Variants in GHR observed in about 807,000 individuals in gnomAD.
The protein encoded by GHR is growth hormone receptor.
A neutral mutation model predicts 67.1 loss-of-function variants in GHR; 35 were observed. The observed-to-expected ratio is 0.52, with a 90% CI of 0.40 to 0.69. The LOEUF (loss-of-function observed/expected upper bound fraction) is 0.69, where lower values mean the gene tolerates loss of function less well. GHR is among the 30% of genes least tolerant of loss of function. GHR has a pLI of 0.00. For missense variants in GHR, 792 were observed against 764.6 expected, an observed-to-expected ratio of 1.04 and a Z score of -0.42; for synonymous variants, 272 against 269.1, an observed-to-expected ratio of 1.01 and a Z score of -0.10.
chr5:42,424,670 T>G lies in GHR; in HGVS notation c.-12+715T>G. 1 of 1,394,350 alleles carries G rather than the reference T, an allele frequency of 7.2e-7. No homozygotes were observed. Among genetic ancestry groups the G allele is most frequent in the Non-Finnish European group, 9.8e-7 (1 of 1,017,674 alleles). The allele number at this position is 1,394,350 out of a possible 1,614,324, so 86.4% of individuals were successfully genotyped here. A position where few individuals can be genotyped will look rare whatever the true frequency, so the allele number is the denominator to read the frequency against. On this transcript the variant is annotated intron_variant, in intron 1 of 9. Transcript: ENST00000230882. This position sits in a 1 kb window ranked among gnomAD's most constrained non-coding sequence, Gnocchi z 4.1. Reference sequence around the variant, plus strand: ...CTAGTGGTTGTAAAATCAACCAGGCTTAAAGTTTTGACAGAACTGCCAGAG... The same window carrying G: ...CTAGTGGTTGTAAAATCAACCAGGCGTAAAGTTTTGACAGAACTGCCAGAG...
chr5:42,606,127 T>C (rs1001756173), intron 2 of GHR, among the ~76,000 whole-genome samples: 2 of 151,560 alleles, frequency 1.3e-5, no homozygotes, highest in Non-Finnish European at 2.9e-5. Context: ...GCTGTAAAAG[T>C]TGGGGTGCTC....
At chr5:42,487,032 C>A (rs1205127469) in intron 1 of GHR, among the ~76,000 whole-genome samples, 2 of 152,116 alleles carry the variant, frequency 1.3e-5, no homozygotes, top group African/African-American at 4.8e-5. Flanking sequence ...TGAGGCATTG[C>A]AGTATCATCC....
At chr5:42,640,354 G>T (rs1754404614) in intron 3 of GHR, among the ~76,000 whole-genome samples, 1 of 152,068 alleles carries the variant, frequency 6.6e-6, no homozygotes, top group Non-Finnish European at 1.5e-5. Flanking sequence ...TATCTCAAAG[G>T]GTCATTGTGA....
Position 42,477,569 on chromosome 5 carries a change from G to A in GHR, c.-12+53614G>A, listed in dbSNP as rs1478551656. 7.9e-5 allele frequency among the ~76,000 whole-genome samples: 12 copies of A among 152,176 alleles called. 1 individual carries two copies. The South Asian group carries it at 2.1e-3, about 26-fold the overall frequency. The stretch of plus-strand genomic sequence containing the variant: ...GTTGTTTCCTGACTTTTTAATGATC[G>A]CCATTCCAACTGGTGTGAGATGGTA... On this transcript the variant is annotated intron_variant, in intron 1 of 9. Coordinates refer to ENST00000230882, the MANE Select transcript of GHR (RefSeq NM_000163.5).
intron 6 of GHR, among the ~76,000 whole-genome samples, chr5:42,700,841 AG>A (rs1757897282): frequency 6.6e-6 from 1 of 152,122 alleles, no homozygotes; most frequent in Non-Finnish European, 1.5e-5. Context: ...AGGAAAGTTA[AG>A]TTTGGAGGAA....
chr5:42,513,690 G>A (rs1747119971), intron 1 of GHR, among the ~76,000 whole-genome samples: 1 of 152,056 alleles, frequency 6.6e-6, no homozygotes, highest in African/African-American at 2.4e-5. Context: ...GCTGAGGCAG[G>A]AGAATCGCTT....
At chr5:42,606,847 G>A (rs937371547) in intron 2 of GHR, among the ~76,000 whole-genome samples, 2 of 152,020 alleles carry the variant, frequency 1.3e-5, no homozygotes, top group African/African-American at 2.4e-5. Flanking sequence ...AAGCCTGAGG[G>A]AATTGGGGTA....
chr5:42,488,755 C>T (rs1408637575), intron 1 of GHR, among the ~76,000 whole-genome samples: 3 of 152,214 alleles, frequency 2.0e-5, no homozygotes, highest in Admixed American at 6.5e-5. Flanking sequence ...GAGCCAAGCA[C>T]ATACATACTT....
chr5:42,676,067 A>G (rs1756559119), intron 3 of GHR, among the ~76,000 whole-genome samples: 1 of 152,200 alleles, frequency 6.6e-6, no homozygotes, highest in South Asian at 2.1e-4. Context: ...CGGGAAGATC[A>G]TGAGGTCAGG....
At chr5:42,482,347 C>A (rs1224576394) in intron 1 of GHR, among the ~76,000 whole-genome samples, 1 of 152,208 alleles carries the variant, frequency 6.6e-6, no homozygotes, top group East Asian at 1.9e-4. Context: ...CTTGAGGAGG[C>A]AGTCTGCCTG....
chr5:42,718,013 T>C, intron 8 of GHR, 39 bp from the exon 9 acceptor site: 1 of 944,648 alleles, frequency 1.1e-6, no homozygotes, highest in South Asian at 1.3e-5. Context: ...AATATGTAGC[T>C]TTTAAGATGT....
chr5:42,667,359 T>C (rs776682455), intron 3 of GHR, among the ~76,000 whole-genome samples: 5 of 152,170 alleles, frequency 3.3e-5, no homozygotes, highest in Non-Finnish European at 5.9e-5. Context: ...TTCACCTCAC[T>C]AATCCTTATT....
chr5:42,594,883 T>G (rs2112608575), intron 2 of GHR, among the ~76,000 whole-genome samples: 1 of 152,244 alleles, frequency 6.6e-6, no homozygotes, highest in African/African-American at 2.4e-5. Context: ...TCTTGTAGGC[T>G]CTGGAAAACT....
intron 2 of GHR, among the ~76,000 whole-genome samples, chr5:42,576,123 TAA>T (rs1184410153): frequency 4.7e-5 from 4 of 84,974 alleles, no homozygotes; most frequent in African/African-American, 2.0e-4. Flanking sequence ...TAAAATAAAA[TAA>T]AATAAAATAA....
rs1383620767 is a variant in GHR, at chr5:42,719,098, G to A, written c.1591G>A (p.Asp531Asn). The A allele has an allele frequency of 3.1e-6, 5 of 1,614,076 alleles. No individual in the cohort carries two copies. The highest frequency in any genetic ancestry group is 4.2e-6 in the Non-Finnish European group (5 of 1,179,958). The change falls in exon 10 of 10, where the codon GAC (aspartate) becomes AAC (asparagine). Residue 531 changes from aspartate to asparagine, a missense_variant. By Grantham distance (23) the Asp-to-Asn change is conservative. Coordinates refer to ENST00000230882, the MANE Select transcript of GHR (RefSeq NM_000163.5). ...VSLCQENFLM[D>N]NAYFCEADAK... Reference sequence around the variant, plus strand: ...ACTCTGCCAAGAAAACTTCCTTATGGACAATGCCTACTTCTGTGAGGCAGA... The same window carrying A: ...ACTCTGCCAAGAAAACTTCCTTATGAACAATGCCTACTTCTGTGAGGCAGA...
Position 42,671,872 on chromosome 5 carries a change from C to T in GHR, c.137-17018C>T, listed in dbSNP as rs1202876165. 7.3e-4 allele frequency among the ~76,000 whole-genome samples: 108 copies of T among 147,270 alleles called. 1 individual carries two copies. The highest frequency in any genetic ancestry group is 2.4e-3 in the African/African-American group (96 of 40,044). ...TTGGGAGGCTGAGGCAGGAGAATGGCGTGAACCCGGGAGGCGGAGCTTGCA... is the reference window on the plus strand; with the variant it reads ...TTGGGAGGCTGAGGCAGGAGAATGGTGTGAACCCGGGAGGCGGAGCTTGCA... On this transcript the variant is annotated intron_variant, in intron 3 of 9. Coordinates refer to ENST00000230882, the MANE Select transcript of GHR (RefSeq NM_000163.5).
intron 1 of GHR, among the ~76,000 whole-genome samples, chr5:42,461,862 C>G (rs13156541): frequency 0.28 from 42,795 of 152,114 alleles, 6,599 homozygotes; most frequent in African/African-American, 0.37. Context: ...TCTAGCAGGA[C>G]AGACTGGTAG....
chr5:42,424,752 G>T lies in GHR; in HGVS notation c.-12+797G>T, dbSNP rs367635194. 5.3e-5 allele frequency among the ~76,000 whole-genome samples: 8 copies of T among 152,350 alleles called. No homozygotes were observed. Among genetic ancestry groups the T allele is most frequent in the African/African-American group, 1.9e-4 (8 of 41,588 alleles). On this transcript the variant is annotated intron_variant, in intron 1 of 9. Transcript: ENST00000230882. This position sits in a 1 kb window ranked among gnomAD's most constrained non-coding sequence, Gnocchi z 4.1. ...GGGAGAGGGCGCTGGCGGCGCAGAG[G>T]GTGCGGGGCAGGGCACTTGCGAGTG...
chr5:42,430,694 G>A (rs1249393797), intron 1 of GHR, among the ~76,000 whole-genome samples: 1 of 150,128 alleles, frequency 6.7e-6, no homozygotes, highest in African/African-American at 2.5e-5. Context: ...ATACACATTT[G>A]CTTTTTTGCT....
Sources: allele counts gnomAD v4.1 joint callset (sites outside exome capture counted in the v4.1 genomes callset), GRCh38; gene constraint gnomAD v4.1.1; non-coding constraint Gnocchi (gnomAD v3.1); transcripts MANE v1.5; gene names NCBI Gene and HGNC (gene_info 2026-07-23, HGNC 2026-07-21).